The following ACVR1C variants were observed in gnomAD, a reference collection of about 807,000 sequenced individuals.
ACVR1C encodes activin A receptor type 1C, also known as activin receptor type-1C.
A neutral mutation model predicts 57.9 loss-of-function variants in ACVR1C; 23 were observed. The observed-to-expected ratio is 0.40, with a 90% CI of 0.29 to 0.56. ACVR1C has a LOEUF of 0.56. Ranked by LOEUF, ACVR1C falls within the 20% of genes least tolerant of loss-of-function variation. The pLI is 0.50. For missense variants in ACVR1C, 480 were observed against 607.9 expected, an observed-to-expected ratio of 0.79 and a Z score of 2.21; for synonymous variants, 214 against 215.3, an observed-to-expected ratio of 0.99 and a Z score of 0.05.
In ACVR1C at chr2:157,588,236, T is replaced by C. The variant is rs1688973872; in HGVS notation, c.74-819A>G. Among the ~76,000 whole-genome samples, 4 of 147,772 alleles carry C rather than the reference T, an allele frequency of 2.7e-5. No homozygotes were observed. The South Asian group carries it at 8.7e-4, about 32-fold the overall frequency. ...CACCTCCCCAACATTCTCCACTTAC[T>C]ACACACACACACACACACACACACA... On this transcript the variant is annotated intron_variant, in intron 1 of 8. Coordinates refer to ENST00000243349, the MANE Select transcript of ACVR1C (RefSeq NM_145259.3).
rs993388852 is a variant in ACVR1C at position 157,544,430 on chromosome 2, A to T, written c.943+15T>A. 1 of 1,586,968 alleles carries T rather than the reference A, an allele frequency of 6.3e-7. No homozygotes were observed. Among genetic ancestry groups the T allele is most frequent in the African/African-American group, 1.4e-5 (1 of 73,456 alleles). On this transcript the variant is annotated intron_variant, in intron 5 of 8. Transcript: ENST00000243349. Reference sequence around the variant, plus strand: ...CATATTCAAAGTGGAAAAAAAATGAAAAGGAAATACATACCTTGTGTACCA... The same window carrying T: ...CATATTCAAAGTGGAAAAAAAATGATAAGGAAATACATACCTTGTGTACCA...
chr2:157,601,086 G>A (rs1682268747), intron 1 of ACVR1C, among the ~76,000 whole-genome samples: 1 of 152,176 alleles, frequency 6.6e-6, no homozygotes, highest in Non-Finnish European at 1.5e-5. Context: ...GGGAGGCTGA[G>A]GCAGGTGGAT....
intron 1 of ACVR1C, among the ~76,000 whole-genome samples, chr2:157,588,236 T>TACACAC (rs10572950): frequency 3.4e-4 from 51 of 147,882 alleles, no homozygotes; most frequent in South Asian, 1.5e-3. Context: ...CTCCACTTAC[T>TACACAC]ACACACACAC....
rs1687408552 is a variant in ACVR1C, at chr2:157,533,561, A to G, written c.*357T>C. On this transcript the variant is annotated 3_prime_UTR_variant, in exon 9 of 9. Transcript: ENST00000243349. ...TCATCTCAGAAAAAAATGTTTTTAC[A>G]TCTTTTCCTGTTCATTCATGTGCTC... 1 of 155,202 alleles carries G rather than the reference A, an allele frequency of 6.4e-6. No homozygotes were observed. The highest frequency in any genetic ancestry group is 1.4e-5 in the Non-Finnish European group (1 of 69,816). The allele number at this position is 155,202 out of a possible 1,614,324, so 9.6% of individuals were successfully genotyped here.
At chr2:157,577,737 A>C (rs923064702) in intron 2 of ACVR1C, among the ~76,000 whole-genome samples, 1 of 152,192 alleles carries the variant, frequency 6.6e-6, no homozygotes, top group African/African-American at 2.4e-5. Flanking sequence ...TGCTGAGTCT[A>C]TCTACATTAA....
chr2:157,625,897 G>A (rs759679382), intron 1 of ACVR1C, among the ~76,000 whole-genome samples: 4 of 152,112 alleles, frequency 2.6e-5, no homozygotes, highest in African/African-American at 9.7e-5. Flanking sequence ...AGCCATGTCA[G>A]GTCTCTCTTA....
intron 1 of ACVR1C, among the ~76,000 whole-genome samples, chr2:157,610,616 AC>A (rs1457665754): frequency 1.3e-5 from 2 of 152,058 alleles, no homozygotes; most frequent in Non-Finnish European, 2.9e-5. Context: ...CTATTATTTC[AC>A]TGGATAGGTT....
chr2:157,599,585 G>C (rs1183582149), intron 1 of ACVR1C, among the ~76,000 whole-genome samples: 1 of 151,996 alleles, frequency 6.6e-6, no homozygotes, highest in Admixed American at 6.6e-5. Context: ...TGCACACTTT[G>C]GTCTATTTTA....
chr2:157,593,423 T>C (rs1221910801), intron 1 of ACVR1C, among the ~76,000 whole-genome samples: 1 of 152,200 alleles, frequency 6.6e-6, no homozygotes. Context: ...ACATCTGACA[T>C]AAACTCTTTC....
intron 3 of ACVR1C, among the ~76,000 whole-genome samples, chr2:157,553,309 G>A (rs747717295): frequency 1.3e-5 from 2 of 152,002 alleles, no homozygotes; most frequent in South Asian, 2.1e-4. Flanking sequence ...ACTGCCAAAC[G>A]TATGCAACTG....
At chr2:157,538,416 A>G (rs1687538060) in intron 8 of ACVR1C, among the ~76,000 whole-genome samples, 157 bp downstream of exon 8, 1 of 152,230 alleles carries the variant, frequency 6.6e-6, no homozygotes, top group Non-Finnish European at 1.5e-5. Flanking sequence ...ATGCATGCAC[A>G]GCACTAAAGG....
At chr2:157,554,249 AAGAAAG>A (rs1298738192) in intron 3 of ACVR1C, among the ~76,000 whole-genome samples, 9 of 138,328 alleles carry the variant, frequency 6.5e-5, no homozygotes, top group Admixed American at 2.1e-4. Flanking sequence ...GAAAGAAAGA[AAGAAAG>A]AAAGAAAGAA....
chr2:157,577,869 TTTTTTGTTTTTG>T (rs1006085031), intron 2 of ACVR1C, among the ~76,000 whole-genome samples: 4 of 152,080 alleles, frequency 2.6e-5, no homozygotes, highest in African/African-American at 4.8e-5. Flanking sequence ...TTGTTTTTGT[TTTTTTGTTTTTG>T]TTTTTGTTTT....
At chr2:157,611,319 C>T (rs1289837245) in intron 1 of ACVR1C, among the ~76,000 whole-genome samples, 2 of 152,190 alleles carry the variant, frequency 1.3e-5, no homozygotes, top group African/African-American at 2.4e-5. Flanking sequence ...GTGATTTCCT[C>T]AGTGAGTTAG....
chr2:157,578,180 C>G (rs1282360170), intron 2 of ACVR1C, among the ~76,000 whole-genome samples: 1 of 152,214 alleles, frequency 6.6e-6, no homozygotes, highest in Non-Finnish European at 1.5e-5. Flanking sequence ...ATCGGGATTG[C>G]AGGCTTGAGC....
At position 157,556,019 on chromosome 2, in the gene ACVR1C, T is replaced by C. The variant is rs1688090280; in HGVS notation, c.544+74A>G. Reference sequence around the variant, plus strand: ...GGAATTCATAATATTTGGGCCCTTTTTGTTAAAAAGTTTTTATTTACTTTT... The same window carrying C: ...GGAATTCATAATATTTGGGCCCTTTCTGTTAAAAAGTTTTTATTTACTTTT... On this transcript the variant is annotated intron_variant, in intron 3 of 8. Coordinates refer to ENST00000243349, the MANE Select transcript of ACVR1C (RefSeq NM_145259.3). The C allele has an allele frequency of 4.0e-6, 6 of 1,487,808 alleles. No homozygotes were observed. The East Asian group carries it at 1.5e-4, about 37-fold the overall frequency. 92.2% of individuals were successfully genotyped at this position (1,487,808 alleles called of 1,614,324 possible). A position where few individuals can be genotyped will look rare whatever the true frequency, so the allele number is the denominator to read the frequency against.
chr2:157,616,420 T>C (rs1682652937), intron 1 of ACVR1C, among the ~76,000 whole-genome samples: 1 of 152,198 alleles, frequency 6.6e-6, no homozygotes. Context: ...TTACACTCTC[T>C]ACCCTTCTAC....
intron 1 of ACVR1C, among the ~76,000 whole-genome samples, chr2:157,623,507 G>T (rs1682831805): frequency 6.6e-6 from 1 of 151,764 alleles, no homozygotes; most frequent in Non-Finnish European, 1.5e-5. Context: ...GCCAGGAACA[G>T]AAAGACAAAC....
At chr2:157,598,470 T>A (rs1308955197) in intron 1 of ACVR1C, among the ~76,000 whole-genome samples, 1 of 151,796 alleles carries the variant, frequency 6.6e-6, no homozygotes, top group Non-Finnish European at 1.5e-5. Context: ...AAATCAAGGC[T>A]ATCTTTTAAA....
Sources: gnomAD v4.1 joint callset for allele counts (sites outside exome capture counted in the v4.1 genomes callset) on GRCh38, gnomAD v4.1.1 for gene constraint, MANE v1.5 for transcripts, NCBI Gene and HGNC (gene_info 2026-07-23, HGNC 2026-07-21) for gene names.